DCDC1: variants seen among roughly 807,000 people sequenced by gnomAD.
DCDC1 encodes the protein doublecortin domain-containing protein 1.
DCDC1 carries 200 observed loss-of-function variants against 178.3 expected under a neutral mutation model. That is an observed-to-expected ratio of 1.12 (90% confidence interval 1.00 to 1.26). The LOEUF (loss-of-function observed/expected upper bound fraction) is 1.26. Ranked by LOEUF, DCDC1 falls within the 50% of genes most tolerant of loss-of-function variation. DCDC1 has a pLI of 0.00. For missense variants in DCDC1, 1,983 were observed against 1,749.2 expected, an observed-to-expected ratio of 1.13 and a Z score of -2.38; for synonymous variants, 690 against 604.8, an observed-to-expected ratio of 1.14 and a Z score of -2.07.
intron 20 of DCDC1, among the ~76,000 whole-genome samples, chr11:31,001,299 A>G (rs1951563059): frequency 1.3e-5 from 2 of 152,206 alleles, no homozygotes; most frequent in South Asian, 2.1e-4. Flanking sequence ...TGGATTTTCC[A>G]AAGTTATTTT....
At chr11:31,122,830 T>G (rs997533425) in intron 11 of DCDC1, among the ~76,000 whole-genome samples, 1 of 152,198 alleles carries the variant, frequency 6.6e-6, no homozygotes, top group Admixed American at 6.6e-5. Flanking sequence ...ATTTCAATTT[T>G]TGTGCTATTC....
At chr11:31,003,860 G>A (rs374895775) in intron 20 of DCDC1, among the ~76,000 whole-genome samples, 4 of 152,160 alleles carry the variant, frequency 2.6e-5, no homozygotes, top group East Asian at 1.9e-4. Flanking sequence ...TGAAGGAAGC[G>A]TAATCAATTA....
At chr11:30,986,659 A>G (rs1288976898) in intron 20 of DCDC1, among the ~76,000 whole-genome samples, 1 of 152,074 alleles carries the variant, frequency 6.6e-6, no homozygotes, top group African/African-American at 2.4e-5. Context: ...TATTAAAGCC[A>G]AATTATATCT....
intron 6 of DCDC1, among the ~76,000 whole-genome samples, chr11:31,295,643 G>C (rs1565568693): frequency 6.6e-6 from 1 of 152,108 alleles, no homozygotes; most frequent in Non-Finnish European, 1.5e-5. Context: ...TTTCAGACTG[G>C]GGGTAGATTT....
intron 9 of DCDC1, among the ~76,000 whole-genome samples, chr11:31,149,740 C>G (rs1964952363): frequency 6.6e-6 from 1 of 151,748 alleles, no homozygotes; most frequent in Non-Finnish European, 1.5e-5. Context: ...CTGTATCACT[C>G]ACTGCGAAGG....
At chr11:31,174,445 G>A (rs1967708469) in intron 9 of DCDC1, among the ~76,000 whole-genome samples, 1 of 152,206 alleles carries the variant, frequency 6.6e-6, no homozygotes, top group Non-Finnish European at 1.5e-5. Flanking sequence ...GCTGAGGGCA[G>A]CTCGGTGCTG....
chr11:31,230,312 G>GT (rs994158133), intron 9 of DCDC1, among the ~76,000 whole-genome samples: 15 of 151,290 alleles, frequency 9.9e-5, no homozygotes, highest in African/African-American at 3.4e-4. Flanking sequence ...AATGCTGTAT[G>GT]TTTTTTTACA....
At chr11:31,213,834 G>C (rs1251751259) in intron 9 of DCDC1, among the ~76,000 whole-genome samples, 1 of 151,552 alleles carries the variant, frequency 6.6e-6, no homozygotes, top group African/African-American at 2.4e-5. Context: ...ACTATTACTT[G>C]TTTAAAAAAG....
chr11:31,054,773 G>A (rs890501832), intron 20 of DCDC1, among the ~76,000 whole-genome samples: 7 of 152,186 alleles, frequency 4.6e-5, no homozygotes, highest in African/African-American at 1.4e-4. Flanking sequence ...TGGGATAAGT[G>A]GCTAGCCACA....
intron 16 of DCDC1, among the ~76,000 whole-genome samples, chr11:31,091,810 C>T (rs753693484): frequency 1.5e-4 from 23 of 152,036 alleles, no homozygotes; most frequent in African/African-American, 4.1e-4. Flanking sequence ...GGGTCCATCA[C>T]GTGTCACTTG....
intron 30 of DCDC1, 140 bp downstream of exon 30, chr11:30,906,400 A>C (rs1945063222): frequency 1.2e-6 from 1 of 804,722 alleles, no homozygotes; most frequent in Non-Finnish European, 1.9e-6. Context: ...AAATCAATGC[A>C]GGTAGAATGG....
chr11:31,101,165 A>ATTG (rs1958477953), intron 15 of DCDC1, among the ~76,000 whole-genome samples: 1 of 152,164 alleles, frequency 6.6e-6, no homozygotes. Context: ...ACAGGGCCCA[A>ATTG]TTGATAGGAA....
At chr11:30,889,260 C>T (rs371000452) in intron 36 of DCDC1, among the ~76,000 whole-genome samples, 21 of 152,190 alleles carry the variant, frequency 1.4e-4, no homozygotes, top group Admixed American at 4.6e-4. Flanking sequence ...ACTGATGAGC[C>T]GACAACAGTT....
chr11:31,036,846 T>C lies in DCDC1; in HGVS notation c.2591+27623A>G, dbSNP rs1398283052. ...TTCTTTTAGCAGAACTCTGTTCAAA[T>C]AGATATTTATGGTATACTTATTATA... On this transcript the variant is annotated intron_variant, in intron 20 of 38. Coordinates refer to ENST00000684477, the MANE Select transcript of DCDC1 (RefSeq NM_001387274.1). 2.0e-5 allele frequency among the ~76,000 whole-genome samples: 3 copies of C among 152,226 alleles called. No individual in the cohort carries two copies. In the East Asian group the frequency reaches 5.8e-4, roughly 29 times the overall value.
intron 20 of DCDC1, among the ~76,000 whole-genome samples, chr11:31,005,225 A>T (rs1951772176): frequency 6.6e-6 from 1 of 152,202 alleles, no homozygotes; most frequent in South Asian, 2.1e-4. Context: ...GTGCTCCACA[A>T]ACCTGCACCA....
At chr11:31,226,999 A>G (rs940754452) in intron 9 of DCDC1, among the ~76,000 whole-genome samples, 1 of 152,276 alleles carries the variant, frequency 6.6e-6, no homozygotes, top group South Asian at 2.1e-4. Context: ...TGTTTCTTAC[A>G]TTATAATGAA....
At chr11:31,253,353 G>T in intron 8 of DCDC1, among the ~76,000 whole-genome samples, 1 of 149,388 alleles carries the variant, frequency 6.7e-6, no homozygotes, top group Non-Finnish European at 1.5e-5. Context: ...GAGAGTTTTG[G>T]AGATTTTTTT....
At chr11:31,047,040 C>T (rs1043221495) in intron 20 of DCDC1, among the ~76,000 whole-genome samples, 2 of 152,126 alleles carry the variant, frequency 1.3e-5, no homozygotes, top group Non-Finnish European at 2.9e-5. Flanking sequence ...GCCATCCATT[C>T]TTTCCCACAC....
intron 9 of DCDC1, among the ~76,000 whole-genome samples, chr11:31,161,370 A>G (rs1007367522): frequency 6.6e-6 from 1 of 152,162 alleles, no homozygotes; most frequent in Non-Finnish European, 1.5e-5. Flanking sequence ...CAGTAATTAA[A>G]AAAGAGCTAA....
Sources: allele counts gnomAD v4.1 joint callset (sites outside exome capture counted in the v4.1 genomes callset), GRCh38; gene constraint gnomAD v4.1.1; transcripts MANE v1.5; gene names NCBI Gene and HGNC (gene_info 2026-07-23, HGNC 2026-07-21).